SNX14: variants seen among roughly 807,000 people sequenced by gnomAD.
The protein encoded by SNX14 is sorting nexin-14.
SNX14 carries 93 observed loss-of-function variants against 133.8 expected under a neutral mutation model. The observed-to-expected ratio is 0.70, with a 90% CI of 0.59 to 0.83. The LOEUF is 0.83. SNX14 is among the 40% of genes least tolerant of loss of function. The pLI is 0.00. For missense variants in SNX14, 945 were observed against 1,094.9 expected, an observed-to-expected ratio of 0.86 and a Z score of 1.93; for synonymous variants, 368 against 365.6, an observed-to-expected ratio of 1.01 and a Z score of -0.07.
At chr6:85,556,859 G>A (rs1038000249) in intron 7 of SNX14, among the ~76,000 whole-genome samples, 2 of 151,944 alleles carry the variant, frequency 1.3e-5, no homozygotes, top group Admixed American at 6.6e-5. Context: ...TCATATCTGA[G>A]GAACTATTCA....
rs554161134 is a variant in SNX14 at position 85,583,788 on chromosome 6, G to T, written c.141-9410C>A. ...CAAAAACATTCCATGCTCATGGATA[G>T]GAAGAATCAATATCGTGAAAATGGC... On this transcript the variant is annotated intron_variant, in intron 1 of 28. Transcript: ENST00000314673. 2.6e-5 allele frequency among the ~76,000 whole-genome samples: 4 copies of T among 152,260 alleles called. No homozygotes were observed. The South Asian group carries it at 6.2e-4, about 24-fold the overall frequency.
At chr6:85,520,911 G>T (rs1328672762) in intron 21 of SNX14, among the ~76,000 whole-genome samples, 1 of 152,144 alleles carries the variant, frequency 6.6e-6, no homozygotes, top group Non-Finnish European at 1.5e-5. Flanking sequence ...GCTATACAAA[G>T]AACTCTACTA....
intron 12 of SNX14, among the ~76,000 whole-genome samples, chr6:85,545,577 C>A (rs1785201803): frequency 6.6e-6 from 1 of 152,218 alleles, no homozygotes; most frequent in East Asian, 1.9e-4. Context: ...AGAATAAATT[C>A]ATTAAGAAGA....
intron 6 of SNX14, among the ~76,000 whole-genome samples, chr6:85,558,881 T>C (rs1470954744): frequency 2.0e-5 from 3 of 151,514 alleles, no homozygotes; most frequent in Non-Finnish European, 4.4e-5. Context: ...GCTGCAGTGA[T>C]CATGGTAGGT....
intron 1 of SNX14, among the ~76,000 whole-genome samples, chr6:85,584,784 C>A (rs1180792524): frequency 6.6e-6 from 1 of 152,170 alleles, no homozygotes; most frequent in Non-Finnish European, 1.5e-5. Flanking sequence ...AACAGGAACA[C>A]TTTTACACTG....
At chr6:85,524,092 G>A (rs1038043671) in intron 21 of SNX14, among the ~76,000 whole-genome samples, 4 of 152,022 alleles carry the variant, frequency 2.6e-5, no homozygotes, top group African/African-American at 9.7e-5. Flanking sequence ...TGAGGCAGGA[G>A]AACTGCTTGA....
intron 16 of SNX14, 23 bp from the exon 17 acceptor site, chr6:85,536,947 T>C: frequency 1.2e-6 from 2 of 1,604,944 alleles, no homozygotes; most frequent in Non-Finnish European, 1.7e-6. Context: ...CAAAAATGTA[T>C]CAAGTACATA....
At chr6:85,514,405 T>C (rs757697180) in intron 24 of SNX14, 101 bp downstream of exon 24, 2 of 1,480,374 alleles carry the variant, frequency 1.4e-6, no homozygotes, top group Admixed American at 2.1e-5. Context: ...GTATCTTCAA[T>C]TAAAAAGACA....
At chr6:85,576,925 T>A (rs1797522618) in intron 1 of SNX14, among the ~76,000 whole-genome samples, 1 of 152,108 alleles carries the variant, frequency 6.6e-6, no homozygotes, top group African/African-American at 2.4e-5. Flanking sequence ...GATTAAATAA[T>A]AGGAAGACCA....
intron 21 of SNX14, among the ~76,000 whole-genome samples, chr6:85,522,512 T>G (rs953847096): frequency 3.3e-5 from 5 of 152,208 alleles, no homozygotes; most frequent in Non-Finnish European, 7.4e-5. Flanking sequence ...AAACAATGAA[T>G]ACGATTTCTA....
intron 18 of SNX14, among the ~76,000 whole-genome samples, chr6:85,531,906 T>C (rs1253937394): frequency 6.6e-6 from 1 of 152,084 alleles, no homozygotes; most frequent in Non-Finnish European, 1.5e-5. Context: ...CATGCACCTA[T>C]AGTCCCAGCT....
At chr6:85,526,322 A>T in intron 20 of SNX14, 85 bp from the exon 21 acceptor site, 1 of 813,880 alleles carries the variant, frequency 1.2e-6, no homozygotes, top group Non-Finnish European at 2.0e-6. Context: ...TTAAATTTTA[A>T]ATCCCCAAAA....
At chr6:85,509,228 G>A (rs1304765874) in intron 26 of SNX14, among the ~76,000 whole-genome samples, 5 of 152,118 alleles carry the variant, frequency 3.3e-5, no homozygotes, top group Non-Finnish European at 7.4e-5. Flanking sequence ...TTGTGCCTCA[G>A]CAAAATAACA....
At chr6:85,534,425 A>G (rs1448720621) in intron 17 of SNX14, among the ~76,000 whole-genome samples, 2 of 152,254 alleles carry the variant, frequency 1.3e-5, no homozygotes, top group African/African-American at 2.4e-5. Context: ...GCTTAGAACT[A>G]GCACAGTGTC....
chr6:85,513,759 G>T, intron 26 of SNX14, 41 bp downstream of exon 26: 1 of 1,451,584 alleles, frequency 6.9e-7, no homozygotes. Flanking sequence ...TCAACGGACT[G>T]CTAATCTATA....
chr6:85,548,517 G>A lies in SNX14; in HGVS notation c.792-141C>T, dbSNP rs1041409585. The A allele has an allele frequency of 1.7e-5, 10 of 596,676 alleles. No individual in the cohort carries two copies. The African/African-American group carries it at 1.7e-4, about 10-fold the overall frequency. The allele number at this position is 596,676 out of a possible 1,614,324, so 37.0% of individuals were successfully genotyped here. On this transcript the variant is annotated intron_variant, in intron 8 of 28. Coordinates refer to ENST00000314673, the MANE Select transcript of SNX14 (RefSeq NM_153816.6). ...GGTCTTGGTTAGGCCCTAAAAGTCT[G>A]CATTTCTAACAAACTCTCAACCAAT...
chr6:85,589,769 TTTA>T (rs1299131139), intron 1 of SNX14: 1 of 152,254 alleles, frequency 6.6e-6, no homozygotes, highest in African/African-American at 2.4e-5. Context: ...CCACTAGTAA[TTTA>T]TTGTTTCAAG....
At chr6:85,567,600 A>C (rs746302592) in intron 4 of SNX14, 23 bp from the exon 5 acceptor site, 4 of 1,454,058 alleles carry the variant, frequency 2.8e-6, no homozygotes, top group Admixed American at 5.3e-5. Context: ...TTATTTTTTA[A>C]AGAAAAATAA....
At chr6:85,536,207 C>T (rs1253543494) in intron 17 of SNX14, among the ~76,000 whole-genome samples, 1 of 152,072 alleles carries the variant, frequency 6.6e-6, no homozygotes, top group East Asian at 1.9e-4. Flanking sequence ...TAGGTCAATA[C>T]ACAAATGAAG....
Sources: allele counts gnomAD v4.1 joint callset (sites outside exome capture counted in the v4.1 genomes callset), GRCh38; gene constraint gnomAD v4.1.1; transcripts MANE v1.5; gene names NCBI Gene and HGNC (gene_info 2026-07-23, HGNC 2026-07-21).